The following PCDHGA7 variants were observed in gnomAD, a reference collection of about 807,000 sequenced individuals.
PCDHGA7 encodes the protein protocadherin gamma-A7.
In PCDHGA7, 44 loss-of-function variants were observed where a neutral mutation model predicts 58.3. The observed-to-expected ratio is 0.75, with a 90% CI of 0.59 to 0.97. The LOEUF (loss-of-function observed/expected upper bound fraction) is 0.97. PCDHGA7 is among the 50% of genes least tolerant of loss of function. PCDHGA7 has a pLI of 0.00. For missense variants in PCDHGA7, 1,266 were observed against 1,188.7 expected (o/e 1.06, Z -0.96); for synonymous variants, 516 against 504.2 (o/e 1.02, Z -0.31).
rs3074541 is a variant in PCDHGA7 at position 141,433,358 on chromosome 5, CCTATCTATCTATCTATCTATCTAT to C, written c.2424+48060_2424+48083del. 6 of 503,934 alleles carry C rather than the reference CCTATCTATCTATCTATCTATCTAT, an allele frequency of 1.2e-5. No homozygotes were observed. In the Admixed American group the frequency reaches 1.5e-4, roughly 12 times the overall value. The allele number at this position is 503,934 out of a possible 1,614,324, so 31.2% of individuals were successfully genotyped here. ...ACAGGTGCAAGCCACCTACTGTCTG[CCTATCTATCTATCTATCTATCTAT>C]CTATCTATCTATCTATCTATCTATT... On this transcript the variant is annotated intron_variant, in intron 1 of 3. Transcript: ENST00000518325.
chr5:141,405,575 G>T, intron 1 of PCDHGA7: 2 of 598,040 alleles, frequency 3.3e-6, no homozygotes, highest in Non-Finnish European at 5.9e-6. Flanking sequence ...GAGTAGAGTA[G>T]CTGGGACTAC....
chr5:141,413,671 G>A (rs2095665360), intron 1 of PCDHGA7: 13 of 1,613,878 alleles, frequency 8.1e-6, no homozygotes, highest in Non-Finnish European at 9.3e-6. Flanking sequence ...TGATCCGGAT[G>A]TGGGCGTGAA....
chr5:141,388,941 C>G, intron 1 of PCDHGA7: 1 of 1,613,962 alleles, frequency 6.2e-7, no homozygotes, highest in South Asian at 1.1e-5. Context: ...TCTACCCAAC[C>G]TAATTATGGA....
At chr5:141,427,584 A>G in intron 1 of PCDHGA7, 1 of 674,672 alleles carries the variant, frequency 1.5e-6, no homozygotes, top group Non-Finnish European at 2.7e-6. Context: ...CTCATCCAGC[A>G]CAAGCCTCAC....
chr5:141,387,321 T>G (rs2090906935), intron 1 of PCDHGA7, among the ~76,000 whole-genome samples: 1 of 152,226 alleles, frequency 6.6e-6, no homozygotes, highest in African/African-American at 2.4e-5. Context: ...TGAGTAAGTA[T>G]GGAAAATTAC....
At chr5:141,444,692 T>G (rs531452351) in intron 1 of PCDHGA7, among the ~76,000 whole-genome samples, 1 of 152,360 alleles carries the variant, frequency 6.6e-6, no homozygotes, top group South Asian at 2.1e-4. Context: ...TTAAAAATAT[T>G]TTCCTCTTTC....
rs771398829 is a variant in PCDHGA7, at chr5:141,421,251, G to A, written c.2424+35928G>A. ...CCATGGCGAATCGGCTACAGCGCGG[G>A]GACCGCAGTCGGCTGCTGCTGCTGC... On this transcript the variant is annotated intron_variant, in intron 1 of 3. Transcript: ENST00000518325. 17 of 1,606,770 alleles carry A rather than the reference G, an allele frequency of 1.1e-5. No homozygotes were observed. The East Asian group carries it at 3.1e-4, about 30-fold the overall frequency.
intron 1 of PCDHGA7, chr5:141,420,357 C>A: frequency 7.3e-7 from 1 of 1,376,278 alleles, no homozygotes; most frequent in East Asian, 2.6e-5. Flanking sequence ...TTTTAAGATT[C>A]TAGATAACTT....
intron 1 of PCDHGA7, among the ~76,000 whole-genome samples, chr5:141,434,384 G>T (rs980455943): frequency 2.6e-5 from 4 of 152,208 alleles, no homozygotes; most frequent in African/African-American, 4.8e-5. Context: ...CCCAAAACTG[G>T]CCATAAACAA....
chr5:141,482,885 A>G (rs1353686606), intron 1 of PCDHGA7, among the ~76,000 whole-genome samples: 2 of 152,202 alleles, frequency 1.3e-5, no homozygotes. Flanking sequence ...CAGCCTGGCC[A>G]ACATGGTGAA....
intron 1 of PCDHGA7, chr5:141,440,448 A>G (rs2098178859): frequency 6.6e-6 from 1 of 152,168 alleles, no homozygotes; most frequent in East Asian, 1.9e-4. Context: ...CGCCATCTCA[A>G]AAAAAATGAA....
chr5:141,388,937 C>T, intron 1 of PCDHGA7: 1 of 1,613,964 alleles, frequency 6.2e-7, no homozygotes, highest in Non-Finnish European at 8.5e-7. Context: ...AGTCTCTACC[C>T]AACCTAATTA....
chr5:141,409,848 G>C (rs149920059), intron 1 of PCDHGA7: 7 of 1,611,904 alleles, frequency 4.3e-6, no homozygotes, highest in Non-Finnish European at 5.9e-6. Context: ...GTGAGCCTGC[G>C]CGTGTTGGTG....
Position 141,490,226 on chromosome 5 carries a change from C to T in PCDHGA7, c.2425-4581C>T. On this transcript the variant is annotated intron_variant, in intron 1 of 3. Coordinates refer to ENST00000518325, the MANE Select transcript of PCDHGA7 (RefSeq NM_018920.4). This position sits in a 1 kb window ranked among gnomAD's most constrained non-coding sequence, Gnocchi z 5.4. ...AGAGCCCGTGACCAGGGACAGCCTG[C>T]CATGGAGGGCCACTGTGTGATTCAA... The T allele has an allele frequency of 6.2e-7, 1 of 1,614,168 alleles. No homozygotes were observed. Among genetic ancestry groups the T allele is most frequent in the Non-Finnish European group, 8.5e-7 (1 of 1,180,020 alleles).
chr5:141,401,290 C>G (rs1460193254), intron 1 of PCDHGA7, among the ~76,000 whole-genome samples: 1 of 151,710 alleles, frequency 6.6e-6, no homozygotes, highest in South Asian at 2.1e-4. Context: ...TGCGGTGAGC[C>G]GAGATCACTC....
intron 1 of PCDHGA7, chr5:141,430,789 C>A (rs2097310124): frequency 6.6e-7 from 1 of 1,515,808 alleles, no homozygotes; most frequent in Non-Finnish European, 8.8e-7. Context: ...ACCGGGACTA[C>A]AAAGGGCTTG....
intron 1 of PCDHGA7, chr5:141,441,702 A>G: frequency 3.2e-6 from 1 of 309,906 alleles, no homozygotes. Context: ...GCGAGCCTTC[A>G]AGCTCACGCT....
chr5:141,477,253 G>A lies in PCDHGA7; in HGVS notation c.2425-17554G>A, dbSNP rs1303718568. The A allele has an allele frequency of 1.9e-6, 3 of 1,614,154 alleles. No individual in the cohort carries two copies. The highest frequency in any genetic ancestry group is 2.2e-5 in the South Asian group (2 of 91,070). Reference sequence around the variant, plus strand: ...TCGCTTTGCTCAGTGTGACTGACCTGGATGCTGGCGAGAACGGGCTGGTGA... The same window carrying A: ...TCGCTTTGCTCAGTGTGACTGACCTAGATGCTGGCGAGAACGGGCTGGTGA... On this transcript the variant is annotated intron_variant, in intron 1 of 3. Transcript: ENST00000518325. This position sits in a 1 kb window ranked among gnomAD's most constrained non-coding sequence, Gnocchi z 4.9.
intron 2 of PCDHGA7, among the ~76,000 whole-genome samples, chr5:141,503,072 C>T (rs2099817948): frequency 6.6e-6 from 1 of 151,728 alleles, no homozygotes; most frequent in Non-Finnish European, 1.5e-5. Flanking sequence ...TCAGAATGGT[C>T]TCGATCTCCT....
Sources: gnomAD v4.1 joint callset for allele counts (sites outside exome capture counted in the v4.1 genomes callset) on GRCh38, gnomAD v4.1.1 for gene constraint, Gnocchi (gnomAD v3.1) non-coding constraint, MANE v1.5 for transcripts, NCBI Gene and HGNC (gene_info 2026-07-23, HGNC 2026-07-21) for gene names.